Variants in ZNF680 observed in about 807,000 individuals in gnomAD.
ZNF680 encodes zinc finger protein 680, also known as hypothetical protein FLJ90430.
In ZNF680, 6 loss-of-function variants were observed where a neutral mutation model predicts 12.1. The observed-to-expected ratio is 0.49, with a 90% CI of 0.27 to 0.98. The LOEUF is 0.98. Ranked by LOEUF, ZNF680 falls within the 50% of genes least tolerant of loss-of-function variation. The pLI, the probability that ZNF680 is intolerant of heterozygous loss-of-function variation, is 0.12. For synonymous variants in ZNF680, 170 were observed against 199.3 expected, an observed-to-expected ratio of 0.85 and a Z score of 1.24; for missense variants, 561 against 616.3, an observed-to-expected ratio of 0.91 and a Z score of 0.95.
the ZNF680 span, among the ~76,000 whole-genome samples, chr7:64,508,137 A>T: frequency 7.4e-6 from 1 of 135,290 alleles, no homozygotes; most frequent in Admixed American, 7.5e-5. Context: ...ATATATATAT[A>T]TATATACATA....
chr7:64,519,474 C>T (rs879406978), downstream of ZNF680, among the ~76,000 whole-genome samples: 9 of 151,618 alleles, frequency 5.9e-5, no homozygotes, highest in Non-Finnish European at 1.2e-4. Context: ...ATCTAGCAAT[C>T]CCACTACTGG....
At chr7:64,510,349 C>G in the ZNF680 span, among the ~76,000 whole-genome samples, 10 of 152,066 alleles carry the variant, frequency 6.6e-5, no homozygotes, top group Non-Finnish European at 1.0e-4. Flanking sequence ...ACCCCCACCC[C>G]GCCACCTTTT....
chr7:64,511,201 C>G, the ZNF680 span, among the ~76,000 whole-genome samples: 1 of 151,864 alleles, frequency 6.6e-6, no homozygotes, highest in Admixed American at 6.6e-5. Flanking sequence ...ACGCAGGAGG[C>G]AGAGGTTGCA....
rs1001850546 is a variant in ZNF680 at position 64,527,014 on chromosome 7, G to C, written c.254-4514C>G. On this transcript the variant is annotated intron_variant, in intron 3 of 3. Transcript: ENST00000309683. ...GCATTTTGGGAGGCCGAGGTGGGCC[G>C]ATCACCTGAGGTCGGGAGTTCGAGG... Among the ~76,000 whole-genome samples the C allele has an allele frequency of 2.6e-5, 4 of 152,182 alleles. No homozygotes were observed. In the South Asian group the frequency reaches 8.3e-4, roughly 31 times the overall value.
rs1584375759 is a variant in ZNF680 at position 64,537,967 on chromosome 7, G to C, written c.253+5740C>G. Among the ~76,000 whole-genome samples, 3 of 151,694 alleles carry C rather than the reference G, an allele frequency of 2.0e-5. No individual in the cohort carries two copies. In the East Asian group the frequency reaches 5.8e-4, roughly 29 times the overall value. The stretch of plus-strand genomic sequence containing the variant: ...AAAAAACAAACAAAAACAGAATAGA[G>C]AGCCCAGAAAAGAACGCTTTTGTGT... On this transcript the variant is annotated intron_variant, in intron 3 of 3. Coordinates refer to ENST00000309683, the MANE Select transcript of ZNF680 (RefSeq NM_178558.5).
Position 64,521,979 on chromosome 7 carries a change from T to G in ZNF680, c.775A>C (p.Ile259Leu). The change falls in exon 4 of 4, where the codon ATT (isoleucine) becomes CTT (leucine). Residue 259 changes from isoleucine (I) to leucine (L), a missense_variant. Physicochemically the swap from Ile to Leu is conservative, Grantham distance 5. Transcript: ENST00000309683. ...TTGAAGGGTTTCTCTTCAATATGAA[T>G]TTTCTTATGTTTAATAAGGGTTGAG... is the stretch of plus-strand genomic sequence containing the variant. Reference protein sequence around the residue: ...QSSTLIKHKKIHIEEKPFKCE... With the variant: ...QSSTLIKHKKLHIEEKPFKCE... 6.2e-7 allele frequency: 1 copy of G among 1,612,562 alleles called. No individual in the cohort carries two copies. The highest frequency in any genetic ancestry group is 8.5e-7 in the Non-Finnish European group (1 of 1,179,422).
At chr7:64,547,706 G>GA (rs1427747434) in intron 1 of ZNF680, among the ~76,000 whole-genome samples, 3 of 151,982 alleles carry the variant, frequency 2.0e-5, no homozygotes, top group Non-Finnish European at 2.9e-5. Context: ...ATGTAATTTA[G>GA]AAAAAATTTT....
Position 64,563,029 on chromosome 7 carries a change from A to G in ZNF680, c.-75T>C. On this transcript the variant is annotated 5_prime_UTR_variant, in exon 1 of 4. Coordinates refer to ENST00000309683, the MANE Select transcript of ZNF680 (RefSeq NM_178558.5). ...GGGCCTCTAGGAGCAGAATACACAGAGCAGTAAAGACTAGACCTGGAGCTC... is the reference window on the plus strand; with the variant it reads ...GGGCCTCTAGGAGCAGAATACACAGGGCAGTAAAGACTAGACCTGGAGCTC... 6.4e-7 allele frequency: 1 copy of G among 1,568,030 alleles called. No homozygotes were observed. Among genetic ancestry groups the G allele is most frequent in the South Asian group, 1.1e-5 (1 of 90,194 alleles).
chr7:64,557,205 C>T (rs913017704), intron 1 of ZNF680, among the ~76,000 whole-genome samples: 4 of 151,008 alleles, frequency 2.6e-5, no homozygotes, highest in African/African-American at 9.7e-5. Context: ...GAGCCAAGAT[C>T]GCGCCACTGC....
chr7:64,516,218 TTTAA>T (rs1266439756), downstream of ZNF680, among the ~76,000 whole-genome samples: 1 of 152,224 alleles, frequency 6.6e-6, no homozygotes, highest in Non-Finnish European at 1.5e-5. Flanking sequence ...GTTCGTACTT[TTTAA>T]TTTTCATAAA....
the ZNF680 span, among the ~76,000 whole-genome samples, chr7:64,507,946 G>A: frequency 1.7e-4 from 26 of 149,978 alleles, no homozygotes; most frequent in Non-Finnish European, 2.1e-4. Flanking sequence ...GTTATGAATA[G>A]TATGAACCCA....
At chr7:64,556,548 T>C (rs1163368037) in intron 1 of ZNF680, among the ~76,000 whole-genome samples, 1 of 152,012 alleles carries the variant, frequency 6.6e-6, no homozygotes, top group Non-Finnish European at 1.5e-5. Flanking sequence ...CCCTATTTAA[T>C]AAATGGTGCT....
intron 2 of ZNF680, chr7:64,544,057 C>A: frequency 1.6e-6 from 1 of 607,972 alleles, no homozygotes; most frequent in Non-Finnish European, 2.6e-6. Flanking sequence ...CATTTTATGC[C>A]ATCAAATTTC....
At chr7:64,512,753 A>T in the ZNF680 span, among the ~76,000 whole-genome samples, 1 of 151,634 alleles carries the variant, frequency 6.6e-6, no homozygotes, top group African/African-American at 2.4e-5. Context: ...AAATCTTGTA[A>T]CTACTAAATC....
chr7:64,546,202 A>G (rs892301869), intron 1 of ZNF680, among the ~76,000 whole-genome samples: 5 of 152,306 alleles, frequency 3.3e-5, no homozygotes, highest in African/African-American at 1.2e-4. Context: ...AGACAGGTTT[A>G]AGTAAAAAAA....
the ZNF680 span, among the ~76,000 whole-genome samples, chr7:64,510,588 G>T: frequency 2.0e-5 from 3 of 152,010 alleles, no homozygotes; most frequent in Non-Finnish European, 4.4e-5. Flanking sequence ...AGGCACTAAG[G>T]TTCTTTTTAA....
chr7:64,518,750 C>A (rs1791405682), downstream of ZNF680, among the ~76,000 whole-genome samples: 1 of 151,748 alleles, frequency 6.6e-6, no homozygotes, highest in Non-Finnish European at 1.5e-5. Context: ...GGAAAGGAAA[C>A]CCTATTGAAC....
At chr7:64,499,701 G>A in the ZNF680 span, among the ~76,000 whole-genome samples, 6 of 152,174 alleles carry the variant, frequency 3.9e-5, no homozygotes, top group Admixed American at 1.3e-4. Flanking sequence ...CGGAGACCAC[G>A]CCATTGCACT....
At chr7:64,535,189 C>G (rs1462994930) in intron 3 of ZNF680, among the ~76,000 whole-genome samples, 2 of 151,926 alleles carry the variant, frequency 1.3e-5, no homozygotes, top group African/African-American at 2.4e-5. Context: ...GTCTGGACAA[C>G]ATTGTCTCTA....
Sources: allele counts gnomAD v4.1 joint callset (sites outside exome capture counted in the v4.1 genomes callset), GRCh38; gene constraint gnomAD v4.1.1; transcripts MANE v1.5; gene names NCBI Gene and HGNC (gene_info 2026-07-23, HGNC 2026-07-21).